The following SPATA16 variants were observed in gnomAD, a reference collection of about 807,000 sequenced individuals.
SPATA16 encodes spermatogenesis-associated protein 16.
In SPATA16, 36 loss-of-function variants were observed where a neutral mutation model predicts 63.3. The ratio of observed to expected loss-of-function variants is 0.57; its 90% confidence interval spans 0.44 to 0.75. The LOEUF (loss-of-function observed/expected upper bound fraction) is 0.75. Among genes scored for constraint, SPATA16 ranks in the 30% least tolerant of loss-of-function variants. SPATA16 has a pLI of 0.00. For missense variants in SPATA16, 646 were observed against 679.3 expected, an observed-to-expected ratio of 0.95 and a Z score of 0.54; for synonymous variants, 203 against 216.7, an observed-to-expected ratio of 0.94 and a Z score of 0.56.
chr3:173,099,812 A>C (rs1047826951), intron 2 of SPATA16, among the ~76,000 whole-genome samples: 3 of 152,188 alleles, frequency 2.0e-5, no homozygotes, highest in African/African-American at 7.2e-5. Flanking sequence ...TGTCGTCAGC[A>C]TGCGCTTATG....
At chr3:172,907,164 A>G (rs968681117) in intron 10 of SPATA16, among the ~76,000 whole-genome samples, 2 of 152,296 alleles carry the variant, frequency 1.3e-5, no homozygotes, top group Admixed American at 6.5e-5. Flanking sequence ...ACATGAGAAC[A>G]CTGCAGAGAA....
At chr3:172,894,829 C>T (rs1156707421) in intron 10 of SPATA16, among the ~76,000 whole-genome samples, 5 of 152,172 alleles carry the variant, frequency 3.3e-5, no homozygotes, top group African/African-American at 1.2e-4. Context: ...CTAGAGTGCA[C>T]CAACTATGAA....
chr3:172,978,649 T>C (rs116310775), intron 4 of SPATA16, among the ~76,000 whole-genome samples: 5,728 of 152,282 alleles, frequency 0.038, 365 homozygotes, highest in African/African-American at 0.13. Flanking sequence ...TTTACAAATA[T>C]GGTTCAACAA....
In SPATA16 at chr3:172,933,541, A is replaced by G. The variant is rs143663693; in HGVS notation, c.1082-8049T>C. 1.9e-3 allele frequency among the ~76,000 whole-genome samples: 295 copies of G among 152,364 alleles called. 1 individual carries two copies. Among genetic ancestry groups the G allele is most frequent in the African/African-American group, 6.8e-3 (282 of 41,592 alleles). On this transcript the variant is annotated intron_variant, in intron 6 of 10. Transcript: ENST00000351008. ...TTTGAGAATGTTGCTATTATATTCA[A>G]GAAGCTAGCACTTGAGGGCATGGCA...
At chr3:173,137,362 G>T (rs2108351772) in intron 1 of SPATA16, among the ~76,000 whole-genome samples, 1 of 152,308 alleles carries the variant, frequency 6.6e-6, no homozygotes, top group East Asian at 1.9e-4. Context: ...GTGGTAGAAG[G>T]ATAGGTGGAG....
chr3:173,138,359 T>C (rs1486856133), intron 1 of SPATA16, among the ~76,000 whole-genome samples: 1 of 152,212 alleles, frequency 6.6e-6, no homozygotes, highest in East Asian at 1.9e-4. Context: ...GCTATCTTCC[T>C]AATAAGTAAC....
At chr3:172,951,496 TAAAA>T (rs58045759) in intron 6 of SPATA16, among the ~76,000 whole-genome samples, 4,536 of 148,498 alleles carry the variant, frequency 0.031, 225 homozygotes, top group African/African-American at 0.11. Context: ...TTTGATAATT[TAAAA>T]AAAAAAAAAT....
chr3:173,131,564 C>G (rs140525676), intron 1 of SPATA16, among the ~76,000 whole-genome samples: 3 of 152,122 alleles, frequency 2.0e-5, no homozygotes, highest in Admixed American at 1.3e-4. Flanking sequence ...ACACAGAGCT[C>G]TTTTACCACT....
chr3:172,961,056 T>A, intron 5 of SPATA16, among the ~76,000 whole-genome samples: 1 of 105,588 alleles, frequency 9.5e-6, no homozygotes. Flanking sequence ...TTCTTCTTTC[T>A]TTCTTTCTTC....
chr3:173,095,609 G>C (rs1385163819), intron 2 of SPATA16, among the ~76,000 whole-genome samples: 6 of 152,044 alleles, frequency 3.9e-5, no homozygotes, highest in Non-Finnish European at 8.8e-5. Context: ...ATAATTCCAA[G>C]TTGGGTATCA....
At chr3:173,011,778 G>A (rs1328985707) in intron 4 of SPATA16, among the ~76,000 whole-genome samples, 1 of 152,126 alleles carries the variant, frequency 6.6e-6, no homozygotes, top group African/African-American at 2.4e-5. Context: ...ACAAAAATCA[G>A]TAGCATTCTT....
intron 4 of SPATA16, among the ~76,000 whole-genome samples, chr3:173,002,890 C>T (rs1300374975): frequency 1.3e-5 from 2 of 152,136 alleles, no homozygotes; most frequent in Non-Finnish European, 2.9e-5. Context: ...TCCTAGCTCT[C>T]TCATACGCAG....
rs371468745 is a variant in SPATA16, at chr3:172,917,198, A to T, written c.1339-717T>A. Among the ~76,000 whole-genome samples the T allele has an allele frequency of 3.0e-4, 45 of 152,334 alleles. No individual in the cohort carries two copies. In the South Asian group the frequency reaches 8.9e-3, roughly 30 times the overall value. On this transcript the variant is annotated intron_variant, in intron 8 of 10. Transcript: ENST00000351008. ...AAAGTGGCCCACCAAGGTGCCTGTT[A>T]CTGCCATCCACAAAAGAGGAGACAT...
At chr3:173,073,007 G>A (rs905753689) in intron 2 of SPATA16, among the ~76,000 whole-genome samples, 5 of 152,158 alleles carry the variant, frequency 3.3e-5, no homozygotes. Context: ...CTGGAGTAAA[G>A]GTGACTCTTG....
chr3:173,091,130 C>A (rs1471036565), intron 2 of SPATA16, among the ~76,000 whole-genome samples: 1 of 152,080 alleles, frequency 6.6e-6, no homozygotes, highest in Non-Finnish European at 1.5e-5. Context: ...GGGCATATTT[C>A]TTTTTTCTTC....
chr3:173,138,851 A>C (rs1738623094), intron 1 of SPATA16, among the ~76,000 whole-genome samples: 1 of 152,218 alleles, frequency 6.6e-6, no homozygotes, highest in Admixed American at 6.5e-5. Context: ...GGTGGTTCAA[A>C]TACATGAATT....
Position 172,912,682 on chromosome 3 carries a change from A to G in SPATA16, c.1587+979T>C, listed in dbSNP as rs76736951. On this transcript the variant is annotated intron_variant, in intron 10 of 10. Transcript: ENST00000351008. Reference sequence around the variant, plus strand: ...GTCTTAATAACATTTTCTTTTTTCTAGCTTACATTATTGTAAGAATACAGT... The same window carrying G: ...GTCTTAATAACATTTTCTTTTTTCTGGCTTACATTATTGTAAGAATACAGT... Among the ~76,000 whole-genome samples, 859 of 152,286 alleles carry G rather than the reference A, an allele frequency of 5.6e-3. 3 individuals are homozygous for G. The highest frequency in any genetic ancestry group is 0.013 in the South Asian group (61 of 4,824).
chr3:172,956,779 T>TAA lies in SPATA16; in HGVS notation c.977_978dup (p.Met327LeufsTer10). 6.2e-7 allele frequency: 1 copy of TAA among 1,613,460 alleles called. No individual in the cohort carries two copies. The highest frequency in any genetic ancestry group is 8.5e-7 in the Non-Finnish European group (1 of 1,179,586). On this transcript the variant is annotated frameshift_variant, in exon 6 of 11. Transcript: ENST00000351008. LOFTEE classifies it high-confidence loss of function. The stretch of plus-strand genomic sequence containing the variant: ...ATTTTTGTCGCAAATGGTGTGTACA[T>TAA]AACCGAGAAAGATTCAGCTCTGGTG...
chr3:173,008,026 A>G (rs1479708625), intron 4 of SPATA16, among the ~76,000 whole-genome samples: 3 of 152,216 alleles, frequency 2.0e-5, no homozygotes, highest in African/African-American at 7.2e-5. Flanking sequence ...AGAATTGTTA[A>G]AAATATATTT....
Sources: allele counts gnomAD v4.1 joint callset (sites outside exome capture counted in the v4.1 genomes callset), GRCh38; gene constraint gnomAD v4.1.1; transcripts MANE v1.5; gene names NCBI Gene and HGNC (gene_info 2026-07-23, HGNC 2026-07-21).